CYP4Z1: variants seen among roughly 807,000 people sequenced by gnomAD.
CYP4Z1 encodes the protein cytochrome P450 family 4 subfamily Z member 1.
CYP4Z1 carries 41 observed loss-of-function variants against 54.2 expected under a neutral mutation model. That is an observed-to-expected ratio of 0.76 (90% CI 0.59 to 0.98). The LOEUF (loss-of-function observed/expected upper bound fraction) is 0.98, where lower values mean the gene tolerates loss of function less well. Ranked by LOEUF, CYP4Z1 falls within the 50% of genes least tolerant of loss-of-function variation. The pLI is 0.00. For synonymous variants in CYP4Z1, 163 were observed against 206.2 expected (o/e 0.79, Z 1.79); for missense variants, 513 against 599.0 (o/e 0.86, Z 1.50).
intron 6 of CYP4Z1, among the ~76,000 whole-genome samples, chr1:47,092,328 T>C (rs1411828277): frequency 6.6e-6 from 1 of 152,050 alleles, no homozygotes; most frequent in East Asian, 1.9e-4. Context: ...GTCCCTATTA[T>C]AAAAGACCAA....
intron 10 of CYP4Z1, among the ~76,000 whole-genome samples, chr1:47,116,057 G>T (rs962287463): frequency 2.0e-5 from 3 of 152,174 alleles, no homozygotes; most frequent in Non-Finnish European, 2.9e-5. Flanking sequence ...TAACCTGAGA[G>T]TGAAAGGGAG....
chr1:47,057,335 A>AAAAATATATATAT, the CYP4Z1 span, among the ~76,000 whole-genome samples: 3 of 28,488 alleles, frequency 1.1e-4, no homozygotes, highest in African/African-American at 2.7e-4. Flanking sequence ...AAGAAAAAAA[A>AAAAATATATATAT]ATATATATAT....
intron 6 of CYP4Z1, among the ~76,000 whole-genome samples, chr1:47,087,450 T>G (rs1322246390): frequency 6.6e-6 from 1 of 152,204 alleles, no homozygotes; most frequent in East Asian, 1.9e-4. Context: ...TTATTCTCTT[T>G]GAAGCAATTG....
At position 47,067,363 on chromosome 1, in the gene CYP4Z1, C is replaced by T; in HGVS notation, c.-128C>T. On this transcript the variant is annotated 5_prime_UTR_variant, in exon 1 of 12. Coordinates refer to ENST00000334194, the MANE Select transcript of CYP4Z1 (RefSeq NM_178134.3). ...TTAGGCTTCCTCTTCCTTATGTCCC[C>T]TCCCTGAATATGGCATTTTGAAAGC... The T allele has an allele frequency of 2.7e-6, 2 of 750,110 alleles. No individual in the cohort carries two copies. Among genetic ancestry groups the T allele is most frequent in the Non-Finnish European group, 3.9e-6 (2 of 515,186 alleles). The allele number at this position is 750,110 out of a possible 1,614,324, so 46.5% of individuals were successfully genotyped here. A position where few individuals can be genotyped will look rare whatever the true frequency, so the allele number is the denominator to read the frequency against.
chr1:47,069,583 C>A (rs1336270083), intron 2 of CYP4Z1, among the ~76,000 whole-genome samples: 9 of 151,810 alleles, frequency 5.9e-5, no homozygotes, highest in African/African-American at 2.2e-4. Flanking sequence ...ACCTTTGGAC[C>A]TTTGCCCAAA....
At chr1:47,092,049 A>G (rs146010378) in intron 6 of CYP4Z1, among the ~76,000 whole-genome samples, 13 of 152,150 alleles carry the variant, frequency 8.5e-5, no homozygotes, top group African/African-American at 2.7e-4. Flanking sequence ...CTCAGGACCC[A>G]TCAGTCCTGC....
At chr1:47,067,789 G>T (rs1306729596) in intron 1 of CYP4Z1, 122 bp downstream of exon 1, 19 of 889,806 alleles carry the variant, frequency 2.1e-5, no homozygotes, top group Non-Finnish European at 3.0e-5. Context: ...ATCTCATTGT[G>T]ATTTTTACAA....
the CYP4Z1 span, among the ~76,000 whole-genome samples, chr1:47,061,839 C>A: frequency 6.6e-6 from 1 of 152,196 alleles, no homozygotes; most frequent in Non-Finnish European, 1.5e-5. Flanking sequence ...CCATGATGCT[C>A]AAGTAGGCTT....
upstream of CYP4Z1, among the ~76,000 whole-genome samples, chr1:47,065,256 C>T (rs529422406): frequency 2.6e-5 from 4 of 152,064 alleles, no homozygotes; most frequent in African/African-American, 4.8e-5. Flanking sequence ...ATAGAACATT[C>T]TCCAAGATAA....
At chr1:47,099,003 A>G (rs997410610) in intron 7 of CYP4Z1, 91 bp from the exon 8 acceptor site, 5 of 1,467,022 alleles carry the variant, frequency 3.4e-6, no homozygotes, top group Non-Finnish European at 4.7e-6. Context: ...GAATTTTACA[A>G]CATTAATCTT....
At chr1:47,095,589 T>C (rs1644671387) in intron 7 of CYP4Z1, among the ~76,000 whole-genome samples, 1 of 152,232 alleles carries the variant, frequency 6.6e-6, no homozygotes, top group South Asian at 2.1e-4. Context: ...TTTTATATTT[T>C]AATACATATT....
chr1:47,115,692 T>C (rs1644825357), intron 10 of CYP4Z1, 99 bp downstream of exon 10: 2 of 1,183,074 alleles, frequency 1.7e-6, no homozygotes, highest in South Asian at 2.7e-5. Flanking sequence ...TAACGATCTG[T>C]CATTTAGAAA....
At chr1:47,086,344 C>T (rs1219840411) in intron 6 of CYP4Z1, among the ~76,000 whole-genome samples, 2 of 152,210 alleles carry the variant, frequency 1.3e-5, no homozygotes, top group Non-Finnish European at 2.9e-5. Context: ...TCCACATCCT[C>T]TCCAGCACCT....
chr1:47,105,778 G>A (rs1159390605), intron 8 of CYP4Z1, among the ~76,000 whole-genome samples: 4 of 152,136 alleles, frequency 2.6e-5, no homozygotes, highest in African/African-American at 7.2e-5. Context: ...TTCTAAAGAG[G>A]CAGAAATACT....
At chr1:47,098,000 G>T (rs574884999) in intron 7 of CYP4Z1, among the ~76,000 whole-genome samples, 1 of 151,916 alleles carries the variant, frequency 6.6e-6, no homozygotes, top group South Asian at 2.1e-4. Context: ...ATTTTCAGTG[G>T]AGATGGGGGT....
At chr1:47,093,910 G>C (rs2148534273) in intron 6 of CYP4Z1, among the ~76,000 whole-genome samples, 1 of 152,278 alleles carries the variant, frequency 6.6e-6, no homozygotes, top group African/African-American at 2.4e-5. Flanking sequence ...GGAGCCTTTT[G>C]GCAGAGTCTT....
Position 47,096,335 on chromosome 1 carries a change from T to C in CYP4Z1, c.876+1666T>C, listed in dbSNP as rs1392153768. ...TGGAGACTGAGGTGGGAGGATCACT[T>C]GAACAGGAATTCAAAGCTAATCATG... On this transcript the variant is annotated intron_variant, in intron 7 of 11. Coordinates refer to ENST00000334194, the MANE Select transcript of CYP4Z1 (RefSeq NM_178134.3). Among the ~76,000 whole-genome samples the C allele has an allele frequency of 2.0e-5, 3 of 152,294 alleles. No homozygotes were observed. The South Asian group carries it at 6.2e-4, about 32-fold the overall frequency.
chr1:47,059,949 CAT>C, the CYP4Z1 span, among the ~76,000 whole-genome samples: 2 of 152,124 alleles, frequency 1.3e-5, no homozygotes, highest in African/African-American at 2.4e-5. Flanking sequence ...ACTCTGCAAA[CAT>C]AAATATGAAA....
chr1:47,058,816 T>C, the CYP4Z1 span, among the ~76,000 whole-genome samples: 1 of 152,140 alleles, frequency 6.6e-6, no homozygotes, highest in African/African-American at 2.4e-5. Context: ...AGACTAGCAC[T>C]CTTTACCTCC....
Sources: gnomAD v4.1 joint callset for allele counts (sites outside exome capture counted in the v4.1 genomes callset) on GRCh38, gnomAD v4.1.1 for gene constraint, MANE v1.5 for transcripts, NCBI Gene and HGNC (gene_info 2026-07-23, HGNC 2026-07-21) for gene names.